The following PCDH7 variants were observed in gnomAD, a reference collection of about 807,000 sequenced individuals.
The protein encoded by PCDH7 is protocadherin 7.
PCDH7 carries 17 observed loss-of-function variants against 58.9 expected under a neutral mutation model. That is an observed-to-expected ratio of 0.29 (90% CI 0.20 to 0.43). The LOEUF (loss-of-function observed/expected upper bound fraction) is 0.43. Ranked by LOEUF, PCDH7 falls within the 20% of genes least tolerant of loss-of-function variation. The pLI is 1.00. For missense variants in PCDH7, 1,274 were observed against 1,441.0 expected (o/e 0.88, Z 1.88); for synonymous variants, 664 against 616.4 (o/e 1.08, Z -1.14).
intron 1 of PCDH7, among the ~76,000 whole-genome samples, chr4:30,897,027 C>T (rs1739516417): frequency 6.6e-6 from 1 of 150,602 alleles, no homozygotes; most frequent in Non-Finnish European, 1.5e-5. Flanking sequence ...GCCTCAGCCT[C>T]CCGCGTAGCT....
At chr4:30,898,026 C>T (rs1310083149) in intron 1 of PCDH7, among the ~76,000 whole-genome samples, 2 of 152,056 alleles carry the variant, frequency 1.3e-5, no homozygotes, top group Admixed American at 6.6e-5. Flanking sequence ...TGTAGTTGAA[C>T]CCCGATAAGA....
intron 3 of PCDH7, among the ~76,000 whole-genome samples, chr4:31,128,405 T>G (rs1283299302): frequency 3.3e-5 from 5 of 152,148 alleles, no homozygotes; most frequent in African/African-American, 1.2e-4. Flanking sequence ...CTACAGTAGT[T>G]CTTATCACAA....
chr4:30,894,490 A>AAAATATAT (rs1553909431), intron 1 of PCDH7, among the ~76,000 whole-genome samples: 1 of 33,518 alleles, frequency 3.0e-5, no homozygotes, highest in Non-Finnish European at 5.8e-5. Flanking sequence ...AAAAAAAAAA[A>AAAATATAT]ATATATATAT....
At chr4:30,759,353 C>T in intron 1 of PCDH7, among the ~76,000 whole-genome samples, 1 of 141,170 alleles carries the variant, frequency 7.1e-6, no homozygotes. Context: ...GTTGCAATTT[C>T]ATAGTTACTT....
intron 3 of PCDH7, among the ~76,000 whole-genome samples, chr4:31,036,994 C>T (rs1474720445): frequency 1.3e-5 from 2 of 152,010 alleles, no homozygotes; most frequent in African/African-American, 2.4e-5. Flanking sequence ...GAAAGATCCA[C>T]CCCCCTGATT....
chr4:31,004,283 C>T (rs1054362785), intron 3 of PCDH7, among the ~76,000 whole-genome samples: 2 of 152,034 alleles, frequency 1.3e-5, no homozygotes, highest in African/African-American at 4.8e-5. Flanking sequence ...AACCGAGCCC[C>T]GGCCTGAAAA....
intron 1 of PCDH7, among the ~76,000 whole-genome samples, chr4:30,844,884 G>T (rs996247207): frequency 6.6e-6 from 1 of 152,096 alleles, no homozygotes; most frequent in African/African-American, 2.4e-5. Flanking sequence ...ATTTTGAGGG[G>T]GACGGAGGTG....
chr4:30,836,199 T>G (rs1032595883), intron 1 of PCDH7, among the ~76,000 whole-genome samples: 2 of 152,216 alleles, frequency 1.3e-5, no homozygotes, highest in Admixed American at 6.5e-5. Flanking sequence ...ATTGAGCATT[T>G]ATTATTTATA....
At chr4:30,856,036 T>C (rs1358378399) in intron 1 of PCDH7, among the ~76,000 whole-genome samples, 2 of 152,140 alleles carry the variant, frequency 1.3e-5, no homozygotes, top group East Asian at 3.9e-4. Context: ...TTTTTTCCCT[T>C]GAACCCATTT....
Position 30,722,195 on chromosome 4 carries a change from C to A in PCDH7, c.773C>A (p.Pro258Gln). The A allele has an allele frequency of 6.3e-7, 1 of 1,576,798 alleles. No individual in the cohort carries two copies. Among genetic ancestry groups the A allele is most frequent in the Admixed American group, 1.8e-5 (1 of 55,668 alleles). Residue 258 changes from proline (P) to glutamine (Q), a missense_variant, in exon 1 of 2, where the codon CCG (proline) becomes CAG (glutamine). Physicochemically the swap from Pro to Gln is moderately conservative, Grantham distance 76. Around this residue, in one of 3 missense-constraint regions of PCDH7, gnomAD observed 331 missense variants for 303.2 expected, o/e 1.09. Coordinates refer to ENST00000361762, the Ensembl canonical transcript of PCDH7. This position sits in a 1 kb window ranked among gnomAD's most constrained non-coding sequence, Gnocchi z 7.6. Reference sequence around the variant, plus strand: ...GACACCCCGGACGGCGAGAAGCAGCCGCAGCTGATCGTGAAGGGGGCGCTG... The same window carrying A: ...GACACCCCGGACGGCGAGAAGCAGCAGCAGCTGATCGTGAAGGGGGCGCTG...
At chr4:30,975,467 T>C (rs936665642) in intron 3 of PCDH7, among the ~76,000 whole-genome samples, 33 of 152,312 alleles carry the variant, frequency 2.2e-4, no homozygotes, top group African/African-American at 7.7e-4. Flanking sequence ...ACATGCTCTG[T>C]GTTTTCTAAA....
chr4:30,766,874 A>C (rs557668597), intron 1 of PCDH7, among the ~76,000 whole-genome samples: 1 of 152,126 alleles, frequency 6.6e-6, no homozygotes, highest in Non-Finnish European at 1.5e-5. Context: ...AGAATTAATC[A>C]CTGTATTTTT....
chr4:30,895,780 A>G (rs1739324758), intron 1 of PCDH7, among the ~76,000 whole-genome samples: 1 of 152,160 alleles, frequency 6.6e-6, no homozygotes, highest in African/African-American at 2.4e-5. Context: ...AATTTTCTTT[A>G]CATTCTACCT....
intron 3 of PCDH7, among the ~76,000 whole-genome samples, chr4:30,984,062 T>A (rs1398219059): frequency 6.6e-6 from 1 of 152,192 alleles, no homozygotes; most frequent in African/African-American, 2.4e-5. Context: ...GTGTTCATGT[T>A]CACAGAGTTG....
chr4:30,843,278 T>C (rs1008741481), intron 1 of PCDH7, among the ~76,000 whole-genome samples: 1 of 152,196 alleles, frequency 6.6e-6, no homozygotes, highest in Non-Finnish European at 1.5e-5. Flanking sequence ...CTGGGCTCAT[T>C]GTAATCTCCA....
chr4:30,829,521 G>A (rs1234404869), intron 1 of PCDH7, among the ~76,000 whole-genome samples: 1 of 152,036 alleles, frequency 6.6e-6, no homozygotes, highest in Non-Finnish European at 1.5e-5. Flanking sequence ...GAAGCAAAGT[G>A]TTGGTAGAGA....
intron 1 of PCDH7, among the ~76,000 whole-genome samples, chr4:30,822,442 C>T (rs1728492324): frequency 1.3e-5 from 2 of 152,010 alleles, no homozygotes; most frequent in South Asian, 4.1e-4. Context: ...CAGTGAGCTG[C>T]GTAAAAGGTC....
chr4:30,883,167 C>G (rs991279146), intron 1 of PCDH7, among the ~76,000 whole-genome samples: 3 of 152,196 alleles, frequency 2.0e-5, no homozygotes, highest in Non-Finnish European at 4.4e-5. Flanking sequence ...CTAAATGGCT[C>G]AGAATCCCAC....
chr4:31,005,529 A>T (rs182286898), intron 3 of PCDH7, among the ~76,000 whole-genome samples: 1 of 152,204 alleles, frequency 6.6e-6, no homozygotes, highest in South Asian at 2.1e-4. Context: ...ATTGGGAAGT[A>T]ATGATTTGCC....
Sources: gnomAD v4.1 joint callset for allele counts (sites outside exome capture counted in the v4.1 genomes callset) on GRCh38, gnomAD v4.1.1 for gene constraint, gnomAD v4.1.1 regional missense constraint, Gnocchi (gnomAD v3.1) non-coding constraint, MANE v1.5 for transcripts, NCBI Gene and HGNC (gene_info 2026-07-23, HGNC 2026-07-21) for gene names.